RUNX2: variants seen among roughly 807,000 people sequenced by gnomAD.
The protein encoded by RUNX2 is RUNX family transcription factor 2, also known as runt-related transcription factor 2.
RUNX2 carries 10 observed loss-of-function variants against 51.7 expected under a neutral mutation model. The ratio of observed to expected loss-of-function variants is 0.19; its 90% CI spans 0.12 to 0.33. The LOEUF is 0.33. RUNX2 is among the 10% of genes least tolerant of loss of function. RUNX2 has a pLI of 1.00. For synonymous variants in RUNX2, 276 were observed against 273.6 expected (o/e 1.01, Z -0.09); for missense variants, 562 against 691.3 (o/e 0.81, Z 2.10).
chr6:45,486,881 CAG>C (rs1374543207), intron 5 of RUNX2, among the ~76,000 whole-genome samples: 1 of 152,152 alleles, frequency 6.6e-6, no homozygotes, highest in Non-Finnish European at 1.5e-5. Flanking sequence ...ACCACATTTT[CAG>C]AGTCTTCGTG....
intron 2 of RUNX2, among the ~76,000 whole-genome samples, chr6:45,346,679 TG>T (rs1416283808): frequency 6.6e-6 from 1 of 151,978 alleles, no homozygotes; most frequent in African/African-American, 2.4e-5. Context: ...GCAATTCTCT[TG>T]CCTCTGCCTG....
intron 5 of RUNX2, among the ~76,000 whole-genome samples, chr6:45,474,755 T>C (rs1468943771): frequency 6.6e-6 from 1 of 152,202 alleles, no homozygotes; most frequent in African/African-American, 2.4e-5. Flanking sequence ...ATTGCCTTAT[T>C]TGTTTTTGTA....
chr6:45,529,569 C>T (rs771933673), intron 7 of RUNX2, among the ~76,000 whole-genome samples: 11 of 151,802 alleles, frequency 7.2e-5, no homozygotes, highest in Admixed American at 2.6e-4. Context: ...TTGAGGGAAA[C>T]GGGAAGAACA....
At chr6:45,454,812 T>C (rs1236573855) in intron 5 of RUNX2, among the ~76,000 whole-genome samples, 1 of 152,174 alleles carries the variant, frequency 6.6e-6, no homozygotes. Context: ...TAGTTTTCAC[T>C]TCAGGAAAAC....
At position 45,456,207 on chromosome 6, in the gene RUNX2, A is replaced by T. The variant is rs559698676; in HGVS notation, c.685+18156A>T. ...ATAATTCCTTTTACTACTTTTTCCT[A>T]AATGTATTTGTATGTATGAATATAT... is the stretch of plus-strand genomic sequence containing the variant. On this transcript the variant is annotated intron_variant, in intron 5 of 8. Coordinates refer to ENST00000647337, the MANE Select transcript of RUNX2 (RefSeq NM_001024630.4). 5.9e-5 allele frequency among the ~76,000 whole-genome samples: 9 copies of T among 152,206 alleles called. No individual in the cohort carries two copies. The South Asian group carries it at 1.4e-3, about 24-fold the overall frequency.
chr6:45,337,090 C>T (rs1788723946), intron 2 of RUNX2, among the ~76,000 whole-genome samples: 1 of 151,644 alleles, frequency 6.6e-6, no homozygotes, highest in Non-Finnish European at 1.5e-5. Flanking sequence ...CAACCCCGAA[C>T]ATAGGAGATA....
intron 7 of RUNX2, among the ~76,000 whole-genome samples, chr6:45,519,048 A>G (rs775921326): frequency 6.6e-6 from 1 of 152,204 alleles, no homozygotes; most frequent in Admixed American, 6.5e-5. Context: ...GCTGAATCAT[A>G]TATCTCAGAG....
intron 5 of RUNX2, among the ~76,000 whole-genome samples, chr6:45,439,917 A>G (rs2677109): frequency 0.7 from 106,400 of 151,996 alleles, 37,591 homozygotes; most frequent in African/African-American, 0.79. Context: ...AGACTAATTT[A>G]TAAAGGCAGA....
chr6:45,506,218 C>T (rs1048754403), intron 6 of RUNX2, among the ~76,000 whole-genome samples: 1 of 152,126 alleles, frequency 6.6e-6, no homozygotes, highest in Non-Finnish European at 1.5e-5. Flanking sequence ...CAGCCCTGGT[C>T]CTCTGCTTTG....
At chr6:45,335,376 C>A (rs927200034) in intron 2 of RUNX2, among the ~76,000 whole-genome samples, 5 of 151,142 alleles carry the variant, frequency 3.3e-5, no homozygotes, top group Non-Finnish European at 5.9e-5. Flanking sequence ...TTACATTTTA[C>A]AACATGTCAA....
chr6:45,491,469 C>T (rs75090021), intron 5 of RUNX2, among the ~76,000 whole-genome samples: 162 of 152,170 alleles, frequency 1.1e-3, no homozygotes, highest in Non-Finnish European at 1.8e-3. Context: ...CTATGGTCAT[C>T]GTGGAAATTT....
chr6:45,414,288 G>T (rs1161991062), intron 2 of RUNX2, among the ~76,000 whole-genome samples: 1 of 152,020 alleles, frequency 6.6e-6, no homozygotes, highest in Non-Finnish European at 1.5e-5. Flanking sequence ...GCCCTCTTTG[G>T]CTTGGCTGCT....
chr6:45,402,733 A>G (rs1161583798), intron 2 of RUNX2, among the ~76,000 whole-genome samples: 2 of 152,110 alleles, frequency 1.3e-5, no homozygotes, highest in Admixed American at 1.3e-4. Flanking sequence ...TTAGCCGGGC[A>G]TGGTGACATG....
intron 2 of RUNX2, among the ~76,000 whole-genome samples, chr6:45,394,847 C>T (rs1797548713): frequency 6.6e-6 from 1 of 152,192 alleles, no homozygotes; most frequent in African/African-American, 2.4e-5. Context: ...GAGCATATTT[C>T]AAATGATTGC....
intron 5 of RUNX2, among the ~76,000 whole-genome samples, chr6:45,464,324 A>G (rs1284290385): frequency 6.6e-6 from 1 of 152,184 alleles, no homozygotes; most frequent in Non-Finnish European, 1.5e-5. Flanking sequence ...TCTGTCAGGT[A>G]GTAGTTAACA....
In RUNX2 at chr6:45,331,012, T is replaced by C. The variant is rs1422087131; in HGVS notation, c.58+2228T>C. On this transcript the variant is annotated intron_variant, in intron 2 of 8. Coordinates refer to ENST00000647337, the MANE Select transcript of RUNX2 (RefSeq NM_001024630.4). ...GAAATGTCTTAAGTATGTGCCCCAATTTTGTAAAATAGTTAAAAAGAAAGT... is the reference window on the plus strand; with the variant it reads ...GAAATGTCTTAAGTATGTGCCCCAACTTTGTAAAATAGTTAAAAAGAAAGT... Among the ~76,000 whole-genome samples the C allele has an allele frequency of 3.3e-5, 5 of 152,112 alleles. No homozygotes were observed. In the East Asian group the frequency reaches 9.7e-4, roughly 30 times the overall value.
At chr6:45,378,803 T>C (rs1038165813) in intron 2 of RUNX2, among the ~76,000 whole-genome samples, 4 of 152,306 alleles carry the variant, frequency 2.6e-5, no homozygotes, top group African/African-American at 4.8e-5. Flanking sequence ...AATACAGTAG[T>C]CGTAAGACAA....
At chr6:45,509,671 A>C (rs1329652206) in intron 6 of RUNX2, among the ~76,000 whole-genome samples, 2 of 152,328 alleles carry the variant, frequency 1.3e-5, no homozygotes, top group East Asian at 3.9e-4. Flanking sequence ...TGGCACGCCA[A>C]CTCAGATCCT....
intron 5 of RUNX2, among the ~76,000 whole-genome samples, chr6:45,464,335 G>A (rs753697609): frequency 1.3e-5 from 2 of 152,150 alleles, no homozygotes; most frequent in Non-Finnish European, 2.9e-5. Flanking sequence ...GTAGTTAACA[G>A]TAAAGTTTTC....
Sources: allele counts gnomAD v4.1 joint callset (sites outside exome capture counted in the v4.1 genomes callset), GRCh38; gene constraint gnomAD v4.1.1; transcripts MANE v1.5; gene names NCBI Gene and HGNC (gene_info 2026-07-23, HGNC 2026-07-21).